DCTD: variants seen among roughly 807,000 people sequenced by gnomAD.
DCTD encodes the protein deoxycytidylate deaminase.
Under a neutral mutation model 21.0 loss-of-function variants are expected in DCTD, and 23 were observed. That is an observed-to-expected ratio of 1.09 (90% confidence interval 0.79 to 1.55). The LOEUF (loss-of-function observed/expected upper bound fraction) is 1.55, where lower values mean the gene tolerates loss of function less well. DCTD is among the 40% of genes most tolerant of loss of function. The pLI, the probability that DCTD is intolerant of heterozygous loss-of-function variation, is 0.00. For missense variants in DCTD, 224 were observed against 230.0 expected, an observed-to-expected ratio of 0.97 and a Z score of 0.17; for synonymous variants, 71 against 81.1, an observed-to-expected ratio of 0.88 and a Z score of 0.67.
intron 4 of DCTD, among the ~76,000 whole-genome samples, chr4:182,893,775 C>A (rs112256194): frequency 6.6e-6 from 1 of 152,238 alleles, no homozygotes; most frequent in South Asian, 2.1e-4. Flanking sequence ...ACGGTGACGG[C>A]GACAGCCAGG....
intron 3 of DCTD, among the ~76,000 whole-genome samples, chr4:182,914,545 A>G (rs1001347405): frequency 1.3e-5 from 2 of 152,316 alleles, no homozygotes; most frequent in Non-Finnish European, 2.9e-5. Context: ...TCCAAGTAGT[A>G]AAAAAAGGAA....
intron 3 of DCTD, among the ~76,000 whole-genome samples, chr4:182,900,980 C>T (rs1398472947): frequency 6.6e-6 from 1 of 151,860 alleles, no homozygotes; most frequent in African/African-American, 2.4e-5. Context: ...CTTAGTAGGG[C>T]TTGATTAATC....
intron 3 of DCTD, among the ~76,000 whole-genome samples, chr4:182,912,531 G>A (rs535230088): frequency 6.6e-6 from 1 of 152,306 alleles, no homozygotes; most frequent in Non-Finnish European, 1.5e-5. Flanking sequence ...AATGCAGACA[G>A]ACAACCAGTG....
At chr4:182,914,806 A>G (rs1738399754) in intron 3 of DCTD, 117 bp downstream of exon 3, 1 of 1,193,102 alleles carries the variant, frequency 8.4e-7, no homozygotes, top group Non-Finnish European at 1.2e-6. Context: ...TCAGTAGGAT[A>G]CTTTTCTTTC....
At chr4:182,916,900 G>A in intron 1 of DCTD, 2 of 1,009,864 alleles carry the variant, frequency 2.0e-6, no homozygotes, top group Non-Finnish European at 2.4e-6. Context: ...CAACGATTCA[G>A]GAAGACACAT....
chr4:182,905,331 T>C (rs1284531688), intron 3 of DCTD, among the ~76,000 whole-genome samples: 2 of 150,126 alleles, frequency 1.3e-5, no homozygotes, highest in Non-Finnish European at 3.0e-5. Context: ...GCCTTCTTTT[T>C]TTTTTTTTTT....
chr4:182,891,437 C>A lies in DCTD; in HGVS notation c.499G>T (p.Asp167Tyr). 6.2e-7 allele frequency: 1 copy of A among 1,612,670 alleles called. No individual in the cohort carries two copies. The highest frequency in any genetic ancestry group is 1.1e-5 in the South Asian group (1 of 91,030). ...PKCSKIVIDFDSINSRPSQKL... is the reference protein window; with the variant it reads ...PKCSKIVIDFYSINSRPSQKL... ...TGACTCGGTCTGCTGTTAATTGAAT[C>A]AAAGTCAATGACAATCTTGCTGCAC... The change falls in exon 6 of 6, where the codon GAT becomes TAT. Residue 167 changes from aspartate to tyrosine, a missense_variant. Physicochemically the swap from Asp to Tyr is radical, Grantham distance 160. Transcript: ENST00000438320.
At chr4:182,898,025 T>A (rs529946835) in intron 3 of DCTD, among the ~76,000 whole-genome samples, 1 of 152,340 alleles carries the variant, frequency 6.6e-6, no homozygotes, top group East Asian at 1.9e-4. Context: ...CCCCAGACTG[T>A]CCTCAGAGAG....
intron 1 of DCTD, chr4:182,916,820 T>C: frequency 1.8e-6 from 2 of 1,107,376 alleles, no homozygotes; most frequent in Non-Finnish European, 2.2e-6. Context: ...CTGGTGTGGC[T>C]GAACGCCCAC....
At chr4:182,917,414 G>C (rs548624068), upstream of DCTD, 745 of 1,046,062 alleles carry the variant, frequency 7.1e-4, 5 homozygotes, top group African/African-American at 0.01. This position sits in a 1 kb window ranked among gnomAD's most constrained non-coding sequence, Gnocchi z 4.9. Flanking sequence ...GGGCCGGAAG[G>C]GGGCAGCGGC....
chr4:182,894,067 ATGT>A (rs1734286810), intron 4 of DCTD, among the ~76,000 whole-genome samples: 1 of 152,362 alleles, frequency 6.6e-6, no homozygotes, highest in East Asian at 1.9e-4. Flanking sequence ...ATGCCAAGGT[ATGT>A]TGAGATCCTC....
chr4:182,890,912 T>C lies in DCTD; in HGVS notation c.*487A>G, dbSNP rs1733632588. ...AGCAAACACTTCAATGCTACTGTCA[T>C]TTGAGGCCTAATTTTCTTCCAAGGG... is the stretch of plus-strand genomic sequence containing the variant. On this transcript the variant is annotated 3_prime_UTR_variant, in exon 6 of 6. Transcript: ENST00000438320. The C allele has an allele frequency of 6.5e-6, 1 of 154,112 alleles. No individual in the cohort carries two copies. The allele number at this position is 154,112 out of a possible 1,614,324, so 9.5% of individuals were successfully genotyped here. A position where few individuals can be genotyped will look rare whatever the true frequency, so the allele number is the denominator to read the frequency against.
At chr4:182,892,923 A>T in intron 5 of DCTD, 108 bp downstream of exon 5, 1 of 688,348 alleles carries the variant, frequency 1.5e-6, no homozygotes, top group Non-Finnish European at 2.6e-6. Context: ...TTCTAAAGAC[A>T]CCTCCAAGTG....
At position 182,916,801 on chromosome 4, in the gene DCTD, C is replaced by T. The variant is rs1238000375; in HGVS notation, c.-8+510G>A. On this transcript the variant is annotated intron_variant, in intron 1 of 5. Coordinates refer to ENST00000438320, the MANE Select transcript of DCTD (RefSeq NM_001921.3). ...GGAAGGGTCCTGTTAATCCCCTGGG[C>T]GCCTTCTCCTGGTGTGGCTGAACGC... 2.1e-5 allele frequency: 23 copies of T among 1,115,524 alleles called. No individual in the cohort carries two copies. The South Asian group carries it at 3.6e-4, about 17-fold the overall frequency. The allele number at this position is 1,115,524 out of a possible 1,614,324, so 69.1% of individuals were successfully genotyped here. A position where few individuals can be genotyped will look rare whatever the true frequency, so the allele number is the denominator to read the frequency against.
chr4:182,913,833 C>T (rs1253014971), intron 3 of DCTD, among the ~76,000 whole-genome samples: 1 of 152,164 alleles, frequency 6.6e-6, no homozygotes, highest in African/African-American at 2.4e-5. Flanking sequence ...ATGGCTGGAC[C>T]CTCCCAGGCA....
chr4:182,914,871 G>T, intron 3 of DCTD, 52 bp downstream of exon 3: 1 of 1,603,944 alleles, frequency 6.2e-7, no homozygotes, highest in Non-Finnish European at 8.5e-7. Flanking sequence ...TCTTAATTAG[G>T]CACTCACCAG....
At chr4:182,916,602 C>G in intron 1 of DCTD, 1 of 995,282 alleles carries the variant, frequency 1.0e-6, no homozygotes, top group Non-Finnish European at 1.2e-6. Flanking sequence ...GATTACGCTG[C>G]CCCACATCTG....
chr4:182,917,359 C>CCGT lies in DCTD; in HGVS notation c.-59_-57dup. Reference sequence around the variant, plus strand: ...AGGCCGGTGCTCGTCCCCGCCGCCGCCGTGCTCAGGGAAGGAAGTCGGGGG... The same window carrying CCGT: ...AGGCCGGTGCTCGTCCCCGCCGCCGCCGTCGTGCTCAGGGAAGGAAGTCGGGGG... On this transcript the variant is annotated 5_prime_UTR_variant, in exon 1 of 6. Coordinates refer to ENST00000438320, the MANE Select transcript of DCTD (RefSeq NM_001921.3). This position sits in a 1 kb window ranked among gnomAD's most constrained non-coding sequence, Gnocchi z 4.9. 1 of 1,094,218 alleles carries CCGT rather than the reference C, an allele frequency of 9.1e-7. No homozygotes were observed. The allele number at this position is 1,094,218 out of a possible 1,614,324, so 67.8% of individuals were successfully genotyped here. A position where few individuals can be genotyped will look rare whatever the true frequency, so the allele number is the denominator to read the frequency against.
At chr4:182,893,984 A>G (rs1012103219) in intron 4 of DCTD, among the ~76,000 whole-genome samples, 10 of 152,234 alleles carry the variant, frequency 6.6e-5, no homozygotes, top group Admixed American at 2.6e-4. Flanking sequence ...TCAGAATACA[A>G]TGGTGTAGAT....
Sources: allele counts gnomAD v4.1 joint callset (sites outside exome capture counted in the v4.1 genomes callset), GRCh38; gene constraint gnomAD v4.1.1; non-coding constraint Gnocchi (gnomAD v3.1); transcripts MANE v1.5; gene names NCBI Gene and HGNC (gene_info 2026-07-23, HGNC 2026-07-21).